CNTN5: variants seen among roughly 807,000 people sequenced by gnomAD.
CNTN5 encodes contactin 5.
Under a neutral mutation model 129.1 loss-of-function variants are expected in CNTN5, and 77 were observed. The ratio of observed to expected loss-of-function variants is 0.60; its 90% confidence interval spans 0.50 to 0.72. The LOEUF is 0.72. Among genes scored for constraint, CNTN5 ranks in the 30% least tolerant of loss-of-function variants. The probability of loss-of-function intolerance (pLI) is 0.00; values close to 1 mark genes in which losing one functional copy is unlikely to be tolerated. For missense variants in CNTN5, 1,478 were observed against 1,328.8 expected (o/e 1.11, Z -1.75); for synonymous variants, 509 against 465.6 (o/e 1.09, Z -1.20).
chr11:100,348,046 T>G (rs1310638350), intron 23 of CNTN5, among the ~76,000 whole-genome samples: 1 of 151,288 alleles, frequency 6.6e-6, no homozygotes, highest in Non-Finnish European at 1.5e-5. Flanking sequence ...CCCACTGCTC[T>G]CAGTTTTTTT....
intron 9 of CNTN5, among the ~76,000 whole-genome samples, chr11:100,032,529 A>G (rs1394370584): frequency 1.3e-5 from 2 of 151,960 alleles, no homozygotes; most frequent in African/African-American, 2.4e-5. Flanking sequence ...ATATAAAATA[A>G]AAGTTTGAGG....
intron 16 of CNTN5, among the ~76,000 whole-genome samples, chr11:100,233,706 C>T (rs1265925586): frequency 6.6e-6 from 1 of 152,104 alleles, no homozygotes; most frequent in Non-Finnish European, 1.5e-5. Context: ...TCTTGTGGGA[C>T]TTCTTATCTA....
rs1944036415 is a variant in CNTN5, at chr11:100,074,201, A to C, written c.1487A>C (p.Asp496Ala). 6.2e-7 allele frequency: 1 copy of C among 1,612,502 alleles called. No individual in the cohort carries two copies. The highest frequency in any genetic ancestry group is 1.7e-5 in the Admixed American group (1 of 59,824). Residue 496 changes from aspartate (D) to alanine (A), a missense_variant, in exon 13 of 25, where the codon GAC becomes GCC. Coordinates refer to ENST00000524871, the MANE Select transcript of CNTN5 (RefSeq NM_014361.4). Reference sequence around the variant, plus strand: ...AAGAAAACAATAATTGTTACCAAAGACCAAGAAGTTGTCATAGAGTGCAAA... The same window carrying C: ...AAGAAAACAATAATTGTTACCAAAGCCCAAGAAGTTGTCATAGAGTGCAAA... ...QLKKTIIVTK[D>A]QEVVIECKPQ...
intron 1 of CNTN5, among the ~76,000 whole-genome samples, chr11:99,131,497 A>G (rs572415792): frequency 4.1e-4 from 63 of 152,146 alleles, no homozygotes; most frequent in African/African-American, 1.3e-3. Flanking sequence ...AATAAAATAG[A>G]CCACAAGTGA....
intron 1 of CNTN5, among the ~76,000 whole-genome samples, chr11:99,222,679 C>T (rs1469921946): frequency 1.3e-5 from 2 of 151,952 alleles, no homozygotes; most frequent in Non-Finnish European, 2.9e-5. Flanking sequence ...AAATTTATGG[C>T]CCACATTTCT....
chr11:99,761,996 T>C (rs553466012), intron 3 of CNTN5, among the ~76,000 whole-genome samples: 2 of 116,456 alleles, frequency 1.7e-5, no homozygotes, highest in African/African-American at 3.0e-5. Flanking sequence ...GGTTTTGATT[T>C]GCATTTCTCT....
Position 99,306,712 on chromosome 11 carries a change from C to T in CNTN5, c.-209-18634C>T, listed in dbSNP as rs185064312. 4.3e-4 allele frequency among the ~76,000 whole-genome samples: 65 copies of T among 150,066 alleles called. 1 individual carries two copies. In the East Asian group the frequency reaches 8.0e-3, roughly 19 times the overall value. On this transcript the variant is annotated intron_variant, in intron 1 of 24. Coordinates refer to ENST00000524871, the MANE Select transcript of CNTN5 (RefSeq NM_014361.4). The stretch of plus-strand genomic sequence containing the variant: ...TCGTGCCACTGCACTCCAGCCTGGG[C>T]GACAGAGCAAGACTCCGTCTCAAAA...
At chr11:99,308,187 T>G (rs1251710100) in intron 1 of CNTN5, among the ~76,000 whole-genome samples, 1 of 152,222 alleles carries the variant, frequency 6.6e-6, no homozygotes, top group Non-Finnish European at 1.5e-5. Flanking sequence ...AACCATAACT[T>G]CTTACTCCTC....
At chr11:100,274,414 CT>C (rs1288872008) in intron 18 of CNTN5, among the ~76,000 whole-genome samples, 48 of 152,222 alleles carry the variant, frequency 3.2e-4, no homozygotes, top group African/African-American at 1.1e-3. Flanking sequence ...GTGAAAGAAA[CT>C]GTCAACAGAG....
At chr11:99,925,150 T>G (rs189201899) in intron 7 of CNTN5, among the ~76,000 whole-genome samples, 2 of 152,254 alleles carry the variant, frequency 1.3e-5, no homozygotes, top group African/African-American at 4.8e-5. Context: ...CAGTTATAGG[T>G]GGAATTGTGG....
intron 3 of CNTN5, among the ~76,000 whole-genome samples, chr11:99,739,461 T>G (rs907263836): frequency 1.3e-5 from 2 of 152,150 alleles, no homozygotes; most frequent in Non-Finnish European, 2.9e-5. Context: ...TTACGTTATC[T>G]GAAACAAAGA....
At chr11:99,439,423 C>T (rs1377883161) in intron 2 of CNTN5, among the ~76,000 whole-genome samples, 1 of 151,892 alleles carries the variant, frequency 6.6e-6, no homozygotes, top group Non-Finnish European at 1.5e-5. Context: ...TTTAGAAATA[C>T]ATAGACAGGC....
chr11:99,326,105 T>C (rs1170632560), intron 2 of CNTN5, among the ~76,000 whole-genome samples: 1 of 152,204 alleles, frequency 6.6e-6, no homozygotes, highest in African/African-American at 2.4e-5. Flanking sequence ...AAACTGGGCA[T>C]TGTGTAATAA....
chr11:99,330,233 G>A (rs1159228005), intron 2 of CNTN5, among the ~76,000 whole-genome samples: 1 of 149,638 alleles, frequency 6.7e-6, no homozygotes, highest in South Asian at 2.1e-4. Flanking sequence ...AGGGAAGGAA[G>A]GAGGAAGAAA....
intron 17 of CNTN5, among the ~76,000 whole-genome samples, chr11:100,256,363 G>C (rs1950070877): frequency 6.6e-6 from 1 of 152,104 alleles, no homozygotes; most frequent in African/African-American, 2.4e-5. Flanking sequence ...GTACTTATAT[G>C]AGATTCTATG....
intron 15 of CNTN5, among the ~76,000 whole-genome samples, chr11:100,199,339 C>T (rs1379255763): frequency 6.6e-6 from 1 of 151,898 alleles, no homozygotes; most frequent in Non-Finnish European, 1.5e-5. Context: ...CCTATCCTTT[C>T]TCATCAGTTC....
intron 1 of CNTN5, among the ~76,000 whole-genome samples, chr11:99,023,224 T>A (rs1862963379): frequency 1.3e-5 from 2 of 152,254 alleles, no homozygotes; most frequent in Non-Finnish European, 2.9e-5. Context: ...TATGTTTATG[T>A]AAGATGAATC....
chr11:99,950,284 C>A (rs1304377488), intron 7 of CNTN5, among the ~76,000 whole-genome samples: 3 of 152,116 alleles, frequency 2.0e-5, no homozygotes, highest in Non-Finnish European at 4.4e-5. Context: ...CGAGACCATC[C>A]TGGCTAACAC....
chr11:99,486,284 A>G (rs972379881), intron 2 of CNTN5, among the ~76,000 whole-genome samples: 2 of 152,118 alleles, frequency 1.3e-5, no homozygotes, highest in African/African-American at 2.4e-5. Flanking sequence ...ATGATTATAT[A>G]ATAATATTTC....
Sources: gnomAD v4.1 joint callset for allele counts (sites outside exome capture counted in the v4.1 genomes callset) on GRCh38, gnomAD v4.1.1 for gene constraint, MANE v1.5 for transcripts, NCBI Gene and HGNC (gene_info 2026-07-23, HGNC 2026-07-21) for gene names.